The following MICAL2 variants were observed in gnomAD, a reference collection of about 807,000 sequenced individuals.
The protein encoded by MICAL2 is [F-actin]-monooxygenase MICAL2.
In MICAL2, 77 loss-of-function variants were observed where a neutral mutation model predicts 127.3. That is an observed-to-expected ratio of 0.60 (90% CI 0.50 to 0.73). The LOEUF (loss-of-function observed/expected upper bound fraction) is 0.73. Among genes scored for constraint, MICAL2 ranks in the 30% least tolerant of loss-of-function variants. The pLI, the probability that MICAL2 is intolerant of heterozygous loss-of-function variation, is 0.00. For missense variants in MICAL2, 1,351 were observed against 1,434.4 expected, an observed-to-expected ratio of 0.94 and a Z score of 0.94; for synonymous variants, 570 against 551.1, an observed-to-expected ratio of 1.03 and a Z score of -0.48.
chr11:12,248,893 T>C (rs1299217792), intron 21 of MICAL2, among the ~76,000 whole-genome samples: 1 of 141,964 alleles, frequency 7.0e-6, no homozygotes, highest in Non-Finnish European at 1.6e-5. Context: ...TTAATTTGCG[T>C]AGTGCTGGTG....
intron 22 of MICAL2, among the ~76,000 whole-genome samples, chr11:12,252,354 G>T (rs564829728): frequency 5.1e-4 from 77 of 152,310 alleles, no homozygotes; most frequent in African/African-American, 1.8e-3. Context: ...CAGGGTGGAA[G>T]GGGGAGCCAG....
chr11:12,254,292 G>A (rs561668275), intron 22 of MICAL2: 2 of 152,318 alleles, frequency 1.3e-5, no homozygotes, highest in African/African-American at 4.8e-5. Flanking sequence ...ACAAACTCGG[G>A]AGACAGGTAT....
intron 21 of MICAL2, 119 bp from the exon 22 acceptor site, chr11:12,249,065 G>A (rs1861165467): frequency 6.0e-6 from 8 of 1,329,572 alleles, no homozygotes; most frequent in Non-Finnish European, 7.4e-6. Context: ...ATACTGCAAT[G>A]TCCTAACCTA....
chr11:12,279,277 T>C (rs955766154), intron 1 of MICAL2, among the ~76,000 whole-genome samples: 39 of 152,196 alleles, frequency 2.6e-4, no homozygotes, highest in African/African-American at 7.9e-4. Context: ...AACGGGAGGC[T>C]CATTGTTAAC....
intron 2 of MICAL2, among the ~76,000 whole-genome samples, chr11:12,281,502 C>T (rs147890189): frequency 1.3e-5 from 2 of 152,154 alleles, no homozygotes; most frequent in Non-Finnish European, 2.9e-5. Context: ...TGCTGTTGGA[C>T]AACATGCAGC....
chr11:12,128,406 A>G (rs1314779766), intron 1 of MICAL2, among the ~76,000 whole-genome samples: 1 of 152,264 alleles, frequency 6.6e-6, no homozygotes, highest in Non-Finnish European at 1.5e-5. Context: ...CAGATGAGGA[A>G]GCAGAAGCCC....
chr11:12,141,198 G>T (rs11022194), intron 2 of MICAL2, among the ~76,000 whole-genome samples: 1 of 152,190 alleles, frequency 6.6e-6, no homozygotes, highest in Admixed American at 6.5e-5. Flanking sequence ...GTAGAAATAA[G>T]AGTGGGCTGA....
intron 6 of MICAL2, among the ~76,000 whole-genome samples, chr11:12,210,859 C>T (rs964844180): frequency 3.3e-5 from 5 of 152,166 alleles, no homozygotes; most frequent in Non-Finnish European, 5.9e-5. Context: ...ACAGAGACTG[C>T]CCTGTGCATT....
chr11:12,167,507 T>C (rs920483363), intron 3 of MICAL2, among the ~76,000 whole-genome samples: 11 of 152,150 alleles, frequency 7.2e-5, no homozygotes, highest in Non-Finnish European at 1.2e-4. Flanking sequence ...CAAAGACTGC[T>C]ACCCCTTGGC....
intron 32 of MICAL2, among the ~76,000 whole-genome samples, chr11:12,334,379 A>AAGAGTCTG (rs1220761221): frequency 6.6e-6 from 1 of 152,162 alleles, no homozygotes; most frequent in African/African-American, 2.4e-5. Flanking sequence ...TGACAAGAAA[A>AAGAGTCTG]AGAGTCTGTG....
chr11:12,262,994 T>C (rs1863336463), intron 27 of MICAL2: 1 of 158,976 alleles, frequency 6.3e-6, no homozygotes, highest in African/African-American at 2.4e-5. Flanking sequence ...TAATGTCATT[T>C]ATCAAAACCA....
chr11:12,334,232 A>G (rs1938703160), intron 32 of MICAL2, among the ~76,000 whole-genome samples: 1 of 152,212 alleles, frequency 6.6e-6, no homozygotes, highest in African/African-American at 2.4e-5. Context: ...AGTCCCTGAT[A>G]TAAAATGGCG....
chr11:12,154,111 TG>T (rs1853897696), intron 2 of MICAL2, among the ~76,000 whole-genome samples: 1 of 152,212 alleles, frequency 6.6e-6, no homozygotes, highest in African/African-American at 2.4e-5. Flanking sequence ...CCTGCTGCAC[TG>T]GATGCAAGGG....
At chr11:12,216,127 T>C (rs779916222) in intron 7 of MICAL2, 92 bp from the exon 8 acceptor site, 1 of 922,496 alleles carries the variant, frequency 1.1e-6, no homozygotes, top group African/African-American at 1.6e-5. Flanking sequence ...TGCAGATAAA[T>C]AACAAGACCA....
At chr11:12,358,402 C>T (rs34898047) in exon 35 of MICAL2, 21,699 of 1,614,078 alleles carry the variant, frequency 0.013, 218 homozygotes, top group Middle Eastern at 0.025. Context: ...AGAGGAACAA[C>T]GCATCAGAGA....
At chr11:12,161,582 C>T (rs1375753335) in intron 2 of MICAL2, 1 of 153,416 alleles carries the variant, frequency 6.5e-6, no homozygotes. Flanking sequence ...GAGAGGTGGG[C>T]AGTCATGAAA....
Position 12,163,462 on chromosome 11 carries a change from G to A in MICAL2, c.264+1043G>A, listed in dbSNP as rs1378959264. 2.0e-5 allele frequency among the ~76,000 whole-genome samples: 3 copies of A among 152,210 alleles called. 1 individual carries two copies. Among genetic ancestry groups the A allele is most frequent in the Admixed American group, 2.0e-4 (3 of 15,278 alleles). ...GGGACTGTTGTGTTTTTGTTTTGGT[G>A]GTGAGAAGCTGTCGAGTCCACCATG... is the stretch of plus-strand genomic sequence containing the variant. On this transcript the variant is annotated intron_variant, in intron 3 of 27. Transcript: ENST00000683283.
intron 16 of MICAL2, 76 bp from the exon 17 acceptor site, chr11:12,239,360 C>A: frequency 6.3e-7 from 1 of 1,598,116 alleles, no homozygotes; most frequent in Non-Finnish European, 8.6e-7. Context: ...AGTCCCACGT[C>A]CTGAGTCCCC....
chr11:12,304,691 CACAA>C (rs1443470979), intron 29 of MICAL2, among the ~76,000 whole-genome samples: 1 of 132,770 alleles, frequency 7.5e-6, no homozygotes, highest in Non-Finnish European at 1.7e-5. Context: ...CACACACACA[CACAA>C]AACATTCTTC....
Sources: gnomAD v4.1 joint callset for allele counts (sites outside exome capture counted in the v4.1 genomes callset) on GRCh38, gnomAD v4.1.1 for gene constraint, MANE v1.5 for transcripts, NCBI Gene and HGNC (gene_info 2026-07-23, HGNC 2026-07-21) for gene names.